HSPA1L: variants seen among roughly 807,000 people sequenced by gnomAD.
HSPA1L encodes heat shock 70 kDa protein 1-like.
A neutral mutation model predicts 31.5 loss-of-function variants in HSPA1L; 21 were observed. The observed-to-expected ratio is 0.67, with a 90% CI of 0.47 to 0.96. HSPA1L has a LOEUF of 0.96. Ranked by LOEUF, HSPA1L falls within the 40% of genes least tolerant of loss-of-function variation. The pLI is 0.00. For missense variants in HSPA1L, 709 were observed against 813.4 expected, an observed-to-expected ratio of 0.87 and a Z score of 1.56; for synonymous variants, 293 against 323.1, an observed-to-expected ratio of 0.91 and a Z score of 1.00.
rs371447094 is a variant in HSPA1L, at chr6:31,811,282, C to T, written c.691G>A (p.Gly231Ser). The change falls in exon 2 of 2, where the codon GGT becomes AGT. Residue 231 changes from glycine to serine, a missense_variant. Transcript: ENST00000375654. ...VKATAGDTHL[G>S]GEDFDNRLVS... Reference sequence around the variant, plus strand: ...AGCCTGTTGTCAAAGTCCTCCCCACCCAGGTGAGTGTCCCCAGCAGTGGCC... The same window carrying T: ...AGCCTGTTGTCAAAGTCCTCCCCACTCAGGTGAGTGTCCCCAGCAGTGGCC... The T allele has an allele frequency of 5.0e-6, 8 of 1,614,056 alleles. No individual in the cohort carries two copies. The African/African-American group carries it at 8.0e-5, about 16-fold the overall frequency.
Position 31,815,150 on chromosome 6 carries a change from C to T in HSPA1L, c.-275G>A. 2.8e-6 allele frequency: 1 copy of T among 361,662 alleles called. No homozygotes were observed. The highest frequency in any genetic ancestry group is 4.0e-6 in the Non-Finnish European group (1 of 250,690). 22.4% of individuals were successfully genotyped at this position (361,662 alleles called of 1,614,324 possible). A position where few individuals can be genotyped will look rare whatever the true frequency, so the allele number is the denominator to read the frequency against. On this transcript the variant is annotated 5_prime_UTR_variant, in exon 1 of 2. Coordinates refer to ENST00000375654, the MANE Select transcript of HSPA1L (RefSeq NM_005527.4). ...CCCACCCTCCCCTGGACGCGCGTAA[C>T]CCGCTCCCCGCACCAGCCCCCTGCC...
At chr6:31,812,620 C>T (rs1194684792) in intron 1 of HSPA1L, among the ~76,000 whole-genome samples, 1 of 152,114 alleles carries the variant, frequency 6.6e-6, no homozygotes. Flanking sequence ...TCTCGCCCAG[C>T]CTATTTTTTA....
rs139987300 is a variant in HSPA1L, at chr6:31,811,022, C to T, written c.951G>A (p.Glu317=). Residue 317 remains glutamate, a synonymous_variant, in exon 2 of 2, where the codon GAG becomes GAA. Coordinates refer to ENST00000375654, the MANE Select transcript of HSPA1L (RefSeq NM_005527.4). The part of the protein sequence containing the change: ...LCADLFRGTL[E]PVEKALRDAK... Reference sequence around the variant, plus strand: ...CATCCCGAAGCGCTTTTTCTACAGGCTCCAGGGTACCCCTAAACAGGTCTG... The same window carrying T: ...CATCCCGAAGCGCTTTTTCTACAGGTTCCAGGGTACCCCTAAACAGGTCTG... 1.5e-5 allele frequency: 24 copies of T among 1,614,080 alleles called. No homozygotes were observed. The African/African-American group carries it at 1.7e-4, about 12-fold the overall frequency.
At position 31,815,077 on chromosome 6, in the gene HSPA1L, G is replaced by C; in HGVS notation, c.-202C>G. 1.0e-6 allele frequency: 1 copy of C among 980,236 alleles called. No homozygotes were observed. The highest frequency in any genetic ancestry group is 1.2e-6 in the Non-Finnish European group (1 of 826,326). The allele number at this position is 980,236 out of a possible 1,614,324, so 60.7% of individuals were successfully genotyped here. A position where few individuals can be genotyped will look rare whatever the true frequency, so the allele number is the denominator to read the frequency against. On this transcript the variant is annotated 5_prime_UTR_variant, in exon 1 of 2. Transcript: ENST00000375654. ...TTCCAAACTGGCCCATGAGGTCAGA[G>C]ACAGTATCTCCATTGTAACGTGGCC...
chr6:31,810,815 C>G lies in HSPA1L; in HGVS notation c.1158G>C (p.Lys386Asn). 1.9e-6 allele frequency: 3 copies of G among 1,614,152 alleles called. No homozygotes were observed. Among genetic ancestry groups the G allele is most frequent in the Non-Finnish European group, 2.5e-6 (3 of 1,180,008 alleles). Residue 386 changes from lysine (K) to asparagine (N), a missense_variant, in exon 2 of 2, where the codon AAG becomes AAC. Transcript: ENST00000375654. ...AVQAAILMGDKSEKVQDLLLL... is the reference protein window; with the variant it reads ...AVQAAILMGDNSEKVQDLLLL... Reference sequence around the variant, plus strand: ...GCAGCAGGTCCTGTACCTTCTCAGACTTGTCCCCCATCAGGATGGCTGCTT... The same window carrying G: ...GCAGCAGGTCCTGTACCTTCTCAGAGTTGTCCCCCATCAGGATGGCTGCTT...
Position 31,810,871 on chromosome 6 carries a change from C to G in HSPA1L, c.1102G>C (p.Asp368His). 6.2e-7 allele frequency: 1 copy of G among 1,614,192 alleles called. No individual in the cohort carries two copies. The highest frequency in any genetic ancestry group is 8.5e-7 in the Non-Finnish European group (1 of 1,180,032). ...GRDLNKSINPDEAVAYGAAVQ... is the reference protein window; with the variant it reads ...GRDLNKSINPHEAVAYGAAVQ... ...GCAGCCCCATATGCTACGGCCTCAT[C>G]AGGGTTGATGCTCTTGTTGAGATCA... The change falls in exon 2 of 2, where the codon GAT (aspartate) becomes CAT (histidine). Residue 368 changes from aspartate (D) to histidine (H), a missense_variant. By Grantham distance (81) the Asp-to-His change is moderately conservative (BLOSUM62 -1). Transcript: ENST00000375654.
chr6:31,811,703 T>C lies in HSPA1L; in HGVS notation c.270A>G (p.Lys90=), dbSNP rs1815430546. ...FNDPVVQADM[K]LWPFQVINEG... ...CATTAATCACTTGAAAAGGCCAAAGTTTCATATCTGCTTGTACAACAGGAT... is the reference window on the plus strand; with the variant it reads ...CATTAATCACTTGAAAAGGCCAAAGCTTCATATCTGCTTGTACAACAGGAT... The change falls in exon 2 of 2, where the codon AAA becomes AAG. Residue 90 remains lysine, a synonymous_variant. Transcript: ENST00000375654. The C allele has an allele frequency of 6.2e-7, 1 of 1,614,044 alleles. No homozygotes were observed. Among genetic ancestry groups the C allele is most frequent in the African/African-American group, 1.3e-5 (1 of 74,912 alleles).
chr6:31,810,353 T>G lies in HSPA1L; in HGVS notation c.1620A>C (p.Ala540=). The G allele has an allele frequency of 1.2e-6, 2 of 1,606,344 alleles. No individual in the cohort carries two copies. The highest frequency in any genetic ancestry group is 1.7e-6 in the Non-Finnish European group (2 of 1,176,532). The part of the protein sequence containing the change: ...EDEVQREKIA[A]KNALESYAFN... Reference sequence around the variant, plus strand: ...AAGCATAGGATTCTAAGGCATTCTTTGCAGCAATTTTCTCCCTCTGGACCT... The same window carrying G: ...AAGCATAGGATTCTAAGGCATTCTTGGCAGCAATTTTCTCCCTCTGGACCT... The change falls in exon 2 of 2, where the codon GCA becomes GCC. Residue 540 remains alanine, a synonymous_variant. Coordinates refer to ENST00000375654, the MANE Select transcript of HSPA1L (RefSeq NM_005527.4).
In HSPA1L at chr6:31,810,055, C is replaced by T. The variant is rs150873641; in HGVS notation, c.1918G>A (p.Val640Ile). ...TTCAGTTCTAAAAAGAATTAATCTACTTCTTCAATTGTGGGGCCTGTGGCA... is the reference window on the plus strand; with the variant it reads ...TTCAGTTCTAAAAAGAATTAATCTATTTCTTCAATTGTGGGGCCTGTGGCA... ...RPATGPTIEE[V>I]D The change falls in exon 2 of 2, where the codon GTA becomes ATA. Residue 640 changes from valine (V) to isoleucine (I), a missense_variant. Coordinates refer to ENST00000375654, the MANE Select transcript of HSPA1L (RefSeq NM_005527.4). The T allele has an allele frequency of 1.8e-5, 26 of 1,415,822 alleles. No homozygotes were observed. Among genetic ancestry groups the T allele is most frequent in the Non-Finnish European group, 2.1e-5 (23 of 1,083,528 alleles). The allele number at this position is 1,415,822 out of a possible 1,614,324, so 87.7% of individuals were successfully genotyped here.
In HSPA1L at chr6:31,810,140, T is replaced by G; in HGVS notation, c.1833A>C (p.Lys611Asn). ...LEQMCNPIIT[K>N]LYQGGCTGPA... ...GCCCAGTGCATCCTCCTTGGTAGAG[T>G]TTTGTGATGATAGGGTTACACATCT... The change falls in exon 2 of 2, where the codon AAA becomes AAC. Residue 611 changes from lysine to asparagine, a missense_variant. Transcript: ENST00000375654. The G allele has an allele frequency of 6.6e-7, 1 of 1,507,650 alleles. No homozygotes were observed. The highest frequency in any genetic ancestry group is 8.8e-7 in the Non-Finnish European group (1 of 1,132,800). 93.4% of individuals were successfully genotyped at this position (1,507,650 alleles called of 1,614,324 possible). A position where few individuals can be genotyped will look rare whatever the true frequency, so the allele number is the denominator to read the frequency against.
rs775886586 is a variant in HSPA1L at position 31,811,832 on chromosome 6, T to G, written c.141A>C (p.Thr47=). Residue 47 remains threonine (T), a synonymous_variant, in exon 2 of 2, where the codon ACA becomes ACC. Coordinates refer to ENST00000375654, the MANE Select transcript of HSPA1L (RefSeq NM_005527.4). ...NRTTPSYVAF[T]DTERLIGDAA... is the part of the protein sequence containing the mutation. The stretch of plus-strand genomic sequence containing the variant: ...CATCCCCAATGAGCCGCTCGGTGTC[T>G]GTGAAGGCCACGTAGCTGGGGGTGG... The G allele has an allele frequency of 6.2e-7, 1 of 1,614,170 alleles. No homozygotes were observed. Among genetic ancestry groups the G allele is most frequent in the Non-Finnish European group, 8.5e-7 (1 of 1,180,024 alleles).
Position 31,810,029 on chromosome 6 carries a change from C to T in HSPA1L, c.*18G>A. ...ATACATGTAGAGGCATCCTAGGATGCTTCAGTTCTAAAAAGAATTAATCTA... is the reference window on the plus strand; with the variant it reads ...ATACATGTAGAGGCATCCTAGGATGTTTCAGTTCTAAAAAGAATTAATCTA... On this transcript the variant is annotated 3_prime_UTR_variant, in exon 2 of 2. Coordinates refer to ENST00000375654, the MANE Select transcript of HSPA1L (RefSeq NM_005527.4). 3 of 1,406,388 alleles carry T rather than the reference C, an allele frequency of 2.1e-6. No homozygotes were observed. The highest frequency in any genetic ancestry group is 2.8e-6 in the Non-Finnish European group (3 of 1,077,852). 87.1% of individuals were successfully genotyped at this position (1,406,388 alleles called of 1,614,324 possible). A position where few individuals can be genotyped will look rare whatever the true frequency, so the allele number is the denominator to read the frequency against.
In HSPA1L at chr6:31,810,099, CCT is replaced by C. The variant is rs771239045; in HGVS notation, c.1872_1873del (p.Gly625ValfsTer13). The C allele has an allele frequency of 6.8e-6, 10 of 1,479,602 alleles. No individual in the cohort carries two copies. Among genetic ancestry groups the C allele is most frequent in the Admixed American group, 2.5e-5 (1 of 39,300 alleles). 91.7% of individuals were successfully genotyped at this position (1,479,602 alleles called of 1,614,324 possible). ...TGTGGCAGGCCTTCCAGGCACATAC[CCT>C]GTTCCGCAGGCAGGCCCAGTGCATC... is the stretch of plus-strand genomic sequence containing the variant. On this transcript the variant is annotated frameshift_variant, in exon 2 of 2. Transcript: ENST00000375654. LOFTEE classifies it high-confidence loss of function.
At position 31,814,901 on chromosome 6, in the gene HSPA1L, C is replaced by A; in HGVS notation, c.-26G>T. On this transcript the variant is annotated 5_prime_UTR_variant, in exon 1 of 2. Coordinates refer to ENST00000375654, the MANE Select transcript of HSPA1L (RefSeq NM_005527.4). Reference sequence around the variant, plus strand: ...CCTACTGGCTCACCTAGTCTCCCGACGCCTTCGCTTCAGTTTGGAAACGTC... The same window carrying A: ...CCTACTGGCTCACCTAGTCTCCCGAAGCCTTCGCTTCAGTTTGGAAACGTC... The A allele has an allele frequency of 1.0e-6, 1 of 985,644 alleles. No individual in the cohort carries two copies. The highest frequency in any genetic ancestry group is 1.2e-6 in the Non-Finnish European group (1 of 830,130). The allele number at this position is 985,644 out of a possible 1,614,324, so 61.1% of individuals were successfully genotyped here.
Position 31,809,808 on chromosome 6 carries a change from T to C in HSPA1L, c.*239A>G. ...AGAAGAATGTTAGGGTGGCTGGAAA[T>C]AACAGACATTCAAATACATCACACG... On this transcript the variant is annotated 3_prime_UTR_variant, in exon 2 of 2. Transcript: ENST00000375654. 2.5e-6 allele frequency: 1 copy of C among 394,968 alleles called. No homozygotes were observed. 24.5% of individuals were successfully genotyped at this position (394,968 alleles called of 1,614,324 possible). A position where few individuals can be genotyped will look rare whatever the true frequency, so the allele number is the denominator to read the frequency against.
rs763297872 is a variant in HSPA1L at position 31,811,833 on chromosome 6, G to C, written c.140C>G (p.Thr47Arg). ...NRTTPSYVAF[T>R]DTERLIGDAA... ...ATCCCCAATGAGCCGCTCGGTGTCT[G>C]TGAAGGCCACGTAGCTGGGGGTGGT... The change falls in exon 2 of 2, where the codon ACA becomes AGA. Residue 47 changes from threonine (T) to arginine (R), a missense_variant. By Grantham distance (71) the Thr-to-Arg change is moderately conservative. Transcript: ENST00000375654. The C allele has an allele frequency of 2.5e-6, 4 of 1,614,172 alleles. No individual in the cohort carries two copies. Among genetic ancestry groups the C allele is most frequent in the Non-Finnish European group, 3.4e-6 (4 of 1,180,026 alleles).
chr6:31,810,720 C>T lies in HSPA1L; in HGVS notation c.1253G>A (p.Arg418His), dbSNP rs1815348063. The change falls in exon 2 of 2, where the codon CGC (arginine) becomes CAC (histidine). Residue 418 changes from arginine (R) to histidine (H), a missense_variant. Arg to His is a conservative substitution (Grantham distance 29, BLOSUM62 0). Transcript: ENST00000375654. ...CTGCTTGGTGGGGATGGTGGAGTTGCGCTTTATCAGGGCAGTCATCACGCC... is the reference window on the plus strand; with the variant it reads ...CTGCTTGGTGGGGATGGTGGAGTTGTGCTTTATCAGGGCAGTCATCACGCC... ...AGGVMTALIK[R>H]NSTIPTKQTQ... The T allele has an allele frequency of 6.2e-6, 10 of 1,613,962 alleles. No individual in the cohort carries two copies. Among genetic ancestry groups the T allele is most frequent in the East Asian group, 2.2e-5 (1 of 44,850 alleles).
At position 31,811,213 on chromosome 6, in the gene HSPA1L, C is replaced by A; in HGVS notation, c.760G>T (p.Asp254Tyr). The stretch of plus-strand genomic sequence containing the variant: ...ACGGCTCGCTTGTTCTGGCTGATGT[C>A]CTTTTTGTGTTTCCTCTTGAACTCC... ...VEEFKRKHKKDISQNKRAVRR... is the reference protein window; with the variant it reads ...VEEFKRKHKKYISQNKRAVRR... Residue 254 changes from aspartate to tyrosine, a missense_variant, in exon 2 of 2, where the codon GAC (aspartate) becomes TAC (tyrosine). Asp to Tyr is a radical substitution (Grantham distance 160). Transcript: ENST00000375654. 1 of 1,614,188 alleles carries A rather than the reference C, an allele frequency of 6.2e-7. No individual in the cohort carries two copies. Among genetic ancestry groups the A allele is most frequent in the Non-Finnish European group, 8.5e-7 (1 of 1,180,042 alleles).
At position 31,810,481 on chromosome 6, in the gene HSPA1L, C is replaced by A. The variant is rs758555654; in HGVS notation, c.1492G>T (p.Gly498Cys). The change falls in exon 2 of 2, where the codon GGC becomes TGC. Residue 498 changes from glycine (G) to cysteine (C), a missense_variant. Transcript: ENST00000375654. Reference protein sequence around the residue: ...LNVTATDKSTGKVNKITITND... With the variant: ...LNVTATDKSTCKVNKITITND... ...GTGATGGTGATCTTGTTCACCTTGCCGGTGCTCTTGTCCGTGGCTGTGACA... is the reference window on the plus strand; with the variant it reads ...GTGATGGTGATCTTGTTCACCTTGCAGGTGCTCTTGTCCGTGGCTGTGACA... 47 of 1,613,612 alleles carry A rather than the reference C, an allele frequency of 2.9e-5. No individual in the cohort carries two copies. Among genetic ancestry groups the A allele is most frequent in the Non-Finnish European group, 3.7e-5 (44 of 1,179,898 alleles).
Sources: allele counts gnomAD v4.1 joint callset (sites outside exome capture counted in the v4.1 genomes callset), GRCh38; gene constraint gnomAD v4.1.1; transcripts MANE v1.5; gene names NCBI Gene and HGNC (gene_info 2026-07-23, HGNC 2026-07-21).